DENND1B: variants seen among roughly 807,000 people sequenced by gnomAD.
DENND1B encodes DENN domain-containing protein 1B.
In DENND1B, 59 loss-of-function variants were observed where a neutral mutation model predicts 90.1. That is an observed-to-expected ratio of 0.65 (90% CI 0.53 to 0.81). DENND1B has a LOEUF of 0.81. DENND1B is among the 40% of genes least tolerant of loss of function. DENND1B has a pLI of 0.00. For synonymous variants in DENND1B, 337 were observed against 324.6 expected, an observed-to-expected ratio of 1.04 and a Z score of -0.41; for missense variants, 862 against 912.6, an observed-to-expected ratio of 0.94 and a Z score of 0.71.
At chr1:197,619,051 A>C (rs1677913495) in intron 10 of DENND1B, among the ~76,000 whole-genome samples, 1 of 151,192 alleles carries the variant, frequency 6.6e-6, no homozygotes, top group African/African-American at 2.4e-5. Context: ...TATTTTTTCC[A>C]GTCATGTTTT....
At chr1:197,719,298 G>A (rs1024847929) in intron 2 of DENND1B, among the ~76,000 whole-genome samples, 2 of 152,088 alleles carry the variant, frequency 1.3e-5, no homozygotes, top group African/African-American at 4.8e-5. Flanking sequence ...AAAAGGCTAT[G>A]GGAATTCATG....
chr1:197,567,920 A>G (rs1272736664), intron 15 of DENND1B, among the ~76,000 whole-genome samples: 3 of 152,078 alleles, frequency 2.0e-5, no homozygotes, highest in Admixed American at 2.0e-4. Flanking sequence ...TTTCTTTTAA[A>G]CACAGAAGTA....
intron 16 of DENND1B, among the ~76,000 whole-genome samples, chr1:197,550,990 A>C (rs1671188955): frequency 6.6e-6 from 1 of 151,674 alleles, no homozygotes; most frequent in African/African-American, 2.4e-5. Flanking sequence ...AGAACAGGTT[A>C]ATTTCATGAC....
chr1:197,522,511 C>T (rs1668847149), intron 20 of DENND1B, among the ~76,000 whole-genome samples: 1 of 152,088 alleles, frequency 6.6e-6, no homozygotes, highest in Admixed American at 6.6e-5. Flanking sequence ...ACTCAACTGT[C>T]ATCTGATATA....
chr1:197,720,086 A>G (rs1438333202), intron 2 of DENND1B, among the ~76,000 whole-genome samples: 1 of 152,170 alleles, frequency 6.6e-6, no homozygotes, highest in South Asian at 2.1e-4. Context: ...GGTTGTTCTT[A>G]AAAGAGTCTC....
chr1:197,713,805 A>AATATAATATATATAATATAT (rs1660248281), intron 3 of DENND1B, among the ~76,000 whole-genome samples: 1 of 53,778 alleles, frequency 1.9e-5, no homozygotes, highest in Non-Finnish European at 3.3e-5. Context: ...ATTATATTAT[A>AATATAATATATATAATATAT]ATATATTATA....
chr1:197,580,011 T>C (rs923788291), intron 15 of DENND1B, among the ~76,000 whole-genome samples: 3 of 151,570 alleles, frequency 2.0e-5, no homozygotes, highest in South Asian at 2.1e-4. Flanking sequence ...GTCAGTTTCA[T>C]CTGTTGTTTC....
intron 3 of DENND1B, among the ~76,000 whole-genome samples, chr1:197,696,020 C>T (rs1403103764): frequency 6.6e-6 from 1 of 151,022 alleles, no homozygotes; most frequent in Non-Finnish European, 1.5e-5. Flanking sequence ...CTATGCAGAC[C>T]TTAACTCCTA....
chr1:197,780,222 A>G (rs1440030700), upstream of DENND1B, among the ~76,000 whole-genome samples: 1 of 152,100 alleles, frequency 6.6e-6, no homozygotes, highest in East Asian at 1.9e-4. Context: ...GATTTCCCAC[A>G]TTAGGAAGGG....
Position 197,507,180 on chromosome 1 carries a change from ATTATTATTATTATTT to A in DENND1B, c.*3265_*3279del, listed in dbSNP as rs1188450750. 9.7e-5 allele frequency: 3 copies of A among 31,050 alleles called. No homozygotes were observed. Among genetic ancestry groups the A allele is most frequent in the Non-Finnish European group, 3.3e-4 (3 of 9,108 alleles). The allele number at this position is 31,050 out of a possible 1,614,324, so 1.9% of individuals were successfully genotyped here. ...TATTATTATTATTATTATTATTATTATTATTATTATTATTTTAATAAAAATTTGCAATTCCTTTTC... is the reference window on the plus strand; with the variant it reads ...TATTATTATTATTATTATTATTATTATAATAAAAATTTGCAATTCCTTTTC... On this transcript the variant is annotated 3_prime_UTR_variant, in exon 23 of 23. Transcript: ENST00000620048.
chr1:197,551,078 AACAC>A lies in DENND1B; in HGVS notation c.1240+1940_1240+1943del, dbSNP rs760567251. On this transcript the variant is annotated intron_variant, in intron 16 of 22. Transcript: ENST00000620048. ...ACTGACCTCTAGGAACCATTTTATAAACACACACACACACACACACACACACACA... is the reference window on the plus strand; with the variant it reads ...ACTGACCTCTAGGAACCATTTTATAAACACACACACACACACACACACACA... Among the ~76,000 whole-genome samples the A allele has an allele frequency of 1.8e-3, 159 of 87,624 alleles. 1 individual carries two copies. In the East Asian group the frequency reaches 0.027, roughly 15 times the overall value. The allele number at this position is 87,624 out of a possible 152,430, so 57.5% of individuals were successfully genotyped here.
intron 13 of DENND1B, among the ~76,000 whole-genome samples, chr1:197,602,863 C>T (rs1676329187): frequency 2.0e-5 from 3 of 151,430 alleles, no homozygotes; most frequent in Admixed American, 2.0e-4. Context: ...CCAGTTCTTA[C>T]ATGCTCTTAA....
In DENND1B at chr1:197,545,654, A is replaced by T. The variant is rs1013621804; in HGVS notation, c.1350+268T>A. The T allele has an allele frequency of 1.7e-5, 6 of 348,308 alleles. No individual in the cohort carries two copies. The East Asian group carries it at 3.3e-4, about 19-fold the overall frequency. 21.6% of individuals were successfully genotyped at this position (348,308 alleles called of 1,614,324 possible). ...ATGACATTTTACAAAATGGTACCCC[A>T]TCAATAACTGTTTCAATTTGCTGCA... On this transcript the variant is annotated intron_variant, in intron 18 of 22. Coordinates refer to ENST00000620048, the MANE Select transcript of DENND1B (RefSeq NM_001195215.2).
intron 20 of DENND1B, among the ~76,000 whole-genome samples, chr1:197,525,737 C>T (rs1048891158): frequency 1.3e-5 from 2 of 151,944 alleles, no homozygotes; most frequent in Non-Finnish European, 2.9e-5. Context: ...ATATAATGAA[C>T]ATAAATGTGT....
chr1:197,545,866 T>C (rs1222256204), intron 18 of DENND1B, 56 bp downstream of exon 18: 3 of 1,412,030 alleles, frequency 2.1e-6, no homozygotes, highest in Admixed American at 2.1e-5. Flanking sequence ...GTCTATCACC[T>C]AGGAAAATGT....
At chr1:197,513,501 T>C (rs1022230848) in intron 20 of DENND1B, among the ~76,000 whole-genome samples, 2 of 120,354 alleles carry the variant, frequency 1.7e-5, no homozygotes, top group Non-Finnish European at 3.5e-5. Context: ...AGCTCTTAGG[T>C]AAGGTCAATA....
intron 3 of DENND1B, among the ~76,000 whole-genome samples, chr1:197,688,127 T>A (rs774368154): frequency 4.6e-5 from 7 of 152,028 alleles, no homozygotes; most frequent in African/African-American, 7.2e-5. Flanking sequence ...ATGAAAGATT[T>A]GCAAATGAAA....
chr1:197,721,303 T>C (rs904104588), intron 2 of DENND1B, among the ~76,000 whole-genome samples: 2 of 151,798 alleles, frequency 1.3e-5, no homozygotes, highest in African/African-American at 4.8e-5. Flanking sequence ...TCTCCTGACC[T>C]CGTGATCCGC....
chr1:197,766,646 C>A (rs533218793), intron 2 of DENND1B, among the ~76,000 whole-genome samples: 1 of 152,090 alleles, frequency 6.6e-6, no homozygotes, highest in African/African-American at 2.4e-5. Flanking sequence ...CATTCCAAGA[C>A]ATATATGGAC....
Sources: gnomAD v4.1 joint callset for allele counts (sites outside exome capture counted in the v4.1 genomes callset) on GRCh38, gnomAD v4.1.1 for gene constraint, MANE v1.5 for transcripts, NCBI Gene and HGNC (gene_info 2026-07-23, HGNC 2026-07-21) for gene names.